PPARGC1A: variants seen among roughly 807,000 people sequenced by gnomAD.
PPARGC1A encodes PPARG coactivator 1 alpha, also known as peroxisome proliferator-activated receptor gamma coactivator 1-alpha.
In PPARGC1A, 25 loss-of-function variants were observed where a neutral mutation model predicts 88.7. The observed-to-expected ratio is 0.28, with a 90% confidence interval of 0.21 to 0.39. The LOEUF is 0.39. PPARGC1A is among the 10% of genes least tolerant of loss of function. The pLI is 1.00. For synonymous variants in PPARGC1A, 363 were observed against 355.6 expected (o/e 1.02, Z -0.24); for missense variants, 880 against 968.7 (o/e 0.91, Z 1.22).
chr4:24,344,011 A>T, the PPARGC1A span, among the ~76,000 whole-genome samples: 1 of 151,810 alleles, frequency 6.6e-6, no homozygotes, highest in East Asian at 1.9e-4. Flanking sequence ...TCCATTTCTG[A>T]GTTACCTCAC....
chr4:23,944,669 A>T, the PPARGC1A span, among the ~76,000 whole-genome samples: 2 of 152,178 alleles, frequency 1.3e-5, no homozygotes, highest in African/African-American at 2.4e-5. Flanking sequence ...CTGAATCAGA[A>T]GGGCAGCTTC....
the PPARGC1A span, among the ~76,000 whole-genome samples, chr4:24,231,604 C>T: frequency 0.52 from 79,690 of 152,026 alleles, 21,772 homozygotes; most frequent in Non-Finnish European, 0.59. Flanking sequence ...CCCGAATTAG[C>T]TGCCCAGCTG....
At chr4:23,911,722 A>T in the PPARGC1A span, among the ~76,000 whole-genome samples, 1 of 152,322 alleles carries the variant, frequency 6.6e-6, no homozygotes, top group Non-Finnish European at 1.5e-5. Context: ...TTTCACCAAG[A>T]AATATATATA....
At chr4:24,444,041 A>ATTG in the PPARGC1A span, among the ~76,000 whole-genome samples, 1 of 150,932 alleles carries the variant, frequency 6.6e-6, no homozygotes, top group East Asian at 1.9e-4. Flanking sequence ...TGTTGTTGTT[A>ATTG]TTGTTGTTGT....
chr4:24,281,502 CAG>C, the PPARGC1A span, among the ~76,000 whole-genome samples: 1 of 152,144 alleles, frequency 6.6e-6, no homozygotes, highest in African/African-American at 2.4e-5. Flanking sequence ...GAACTCACCG[CAG>C]AGAGAGGGCA....
At chr4:24,369,166 A>G in the PPARGC1A span, among the ~76,000 whole-genome samples, 6 of 152,336 alleles carry the variant, frequency 3.9e-5, no homozygotes, top group East Asian at 1.2e-3. Flanking sequence ...GGGTGAGAAC[A>G]TGGATAACGG....
At chr4:24,175,742 C>T in the PPARGC1A span, among the ~76,000 whole-genome samples, 1 of 151,490 alleles carries the variant, frequency 6.6e-6, no homozygotes. Context: ...TTATACATAG[C>T]TAATAGCTCC....
chr4:24,387,762 G>GAAAGAAAGAAAGAAAGAAAGAAAGAA, the PPARGC1A span, among the ~76,000 whole-genome samples: 8 of 73,038 alleles, frequency 1.1e-4, no homozygotes, highest in African/African-American at 1.3e-4. Flanking sequence ...GAGAGAGAGA[G>GAAAGAAAGAAAGAAAGAAAGAAAGAA]AGAGAGAAAG....
chr4:24,097,922 CG>C, the PPARGC1A span, among the ~76,000 whole-genome samples: 20 of 152,276 alleles, frequency 1.3e-4, no homozygotes, highest in Middle Eastern at 6.8e-3. Context: ...TTGGCTCCCA[CG>C]TACTGACTTG....
At chr4:24,295,285 A>C in the PPARGC1A span, among the ~76,000 whole-genome samples, 304 of 152,054 alleles carry the variant, frequency 2.0e-3, 2 homozygotes, top group Admixed American at 0.016. Context: ...TGAAGCCAAA[A>C]CCTCTCTTGA....
At chr4:24,157,910 A>G in the PPARGC1A span, among the ~76,000 whole-genome samples, 3 of 151,996 alleles carry the variant, frequency 2.0e-5, no homozygotes, top group African/African-American at 7.2e-5. Context: ...AGCAAATTAG[A>G]TATCACTTTT....
chr4:24,248,485 C>G, the PPARGC1A span, among the ~76,000 whole-genome samples: 1 of 151,250 alleles, frequency 6.6e-6, no homozygotes. Flanking sequence ...CACACCACCT[C>G]TGGAAAAAAA....
the PPARGC1A span, among the ~76,000 whole-genome samples, chr4:23,992,944 G>A: frequency 1.3e-5 from 2 of 152,006 alleles, no homozygotes; most frequent in African/African-American, 2.4e-5. Context: ...AGAGCCTTAG[G>A]TACTTTTAAT....
In PPARGC1A at chr4:23,824,287, T is replaced by A. The variant is rs895228265; in HGVS notation, c.870A>T (p.Gly290=). ...IERTLSVELS[G]TAGLTPPTTP... is the part of the protein sequence containing the mutation. Reference sequence around the variant, plus strand: ...GTGAAATATAAGGCTTACCTGCAGTTCCAGAGAGTTCCACACTTAAGGTGC... The same window carrying A: ...GTGAAATATAAGGCTTACCTGCAGTACCAGAGAGTTCCACACTTAAGGTGC... Residue 290 remains glycine, a synonymous_variant, in exon 7 of 13, where the codon GGA becomes GGT. Coordinates refer to ENST00000264867, the MANE Select transcript of PPARGC1A (RefSeq NM_013261.5). The A allele has an allele frequency of 6.2e-7, 1 of 1,612,966 alleles. No homozygotes were observed. The highest frequency in any genetic ancestry group is 1.3e-5 in the African/African-American group (1 of 74,864).
chr4:24,192,872 G>A, the PPARGC1A span, among the ~76,000 whole-genome samples: 1 of 152,086 alleles, frequency 6.6e-6, no homozygotes, highest in African/African-American at 2.4e-5. Context: ...ACAATGATAA[G>A]TTAAATCTGT....
At chr4:24,255,339 A>C in the PPARGC1A span, among the ~76,000 whole-genome samples, 1 of 152,230 alleles carries the variant, frequency 6.6e-6, no homozygotes, top group Non-Finnish European at 1.5e-5. Context: ...GCAAATATGA[A>C]ATGTAATCAT....
At chr4:24,412,314 C>A in the PPARGC1A span, among the ~76,000 whole-genome samples, 47,199 of 151,938 alleles carry the variant, frequency 0.31, 7,720 homozygotes, top group Admixed American at 0.39. Flanking sequence ...AACTCCTACC[C>A]AGAGGTCAAA....
At chr4:24,273,168 T>C in the PPARGC1A span, among the ~76,000 whole-genome samples, 2 of 152,160 alleles carry the variant, frequency 1.3e-5, no homozygotes, top group Admixed American at 1.3e-4. Flanking sequence ...CAATAAAGAC[T>C]CCCTTCAAAG....
At chr4:24,175,804 T>A in the PPARGC1A span, among the ~76,000 whole-genome samples, 1 of 152,082 alleles carries the variant, frequency 6.6e-6, no homozygotes, top group African/African-American at 2.4e-5. Flanking sequence ...AATCCCGCTC[T>A]TATCTTTACT....
Sources: gnomAD v4.1 joint callset for allele counts (sites outside exome capture counted in the v4.1 genomes callset) on GRCh38, gnomAD v4.1.1 for gene constraint, MANE v1.5 for transcripts, NCBI Gene and HGNC (gene_info 2026-07-23, HGNC 2026-07-21) for gene names.